The following USP20 variants were observed in gnomAD, a reference collection of about 807,000 sequenced individuals.
USP20 encodes the protein ubiquitin specific peptidase 20, also known as ubiquitin carboxyl-terminal hydrolase 20.
Under a neutral mutation model 124.2 loss-of-function variants are expected in USP20, and 80 were observed. The ratio of observed to expected loss-of-function variants is 0.64; its 90% confidence interval spans 0.54 to 0.78. The LOEUF is 0.78. Ranked by LOEUF, USP20 falls within the 30% of genes least tolerant of loss-of-function variation. The pLI is 0.00. For missense variants in USP20, 1,043 were observed against 1,244.4 expected (o/e 0.84, Z 2.44); for synonymous variants, 481 against 512.3 (o/e 0.94, Z 0.83).
At chr9:129,868,801 T>A in intron 11 of USP20, 61 bp from the exon 12 acceptor site, 1 of 1,504,606 alleles carries the variant, frequency 6.6e-7, no homozygotes, top group Non-Finnish European at 8.9e-7. Context: ...GTCATCTTCC[T>A]GCCCACTCGT....
At chr9:129,873,039 C>T (rs964741277) in intron 15 of USP20, among the ~76,000 whole-genome samples, 9 of 151,350 alleles carry the variant, frequency 5.9e-5, no homozygotes, top group Middle Eastern at 6.8e-3. Context: ...TTCCCTCCCT[C>T]CAGTACCTCT....
chr9:129,849,287 C>T (rs561404128), intron 1 of USP20, among the ~76,000 whole-genome samples: 4 of 152,336 alleles, frequency 2.6e-5, no homozygotes, highest in African/African-American at 9.6e-5. Context: ...GCTGCCCCTG[C>T]GTGCCAGCTC....
At chr9:129,848,310 C>CA (rs976336616) in intron 1 of USP20, among the ~76,000 whole-genome samples, 18 of 151,400 alleles carry the variant, frequency 1.2e-4, no homozygotes, top group African/African-American at 2.9e-4. Context: ...CAAAACAAAA[C>CA]AAAAAAAACT....
chr9:129,869,120 C>T lies in USP20; in HGVS notation c.1276+118C>T, dbSNP rs940611883. On this transcript the variant is annotated intron_variant, in intron 12 of 25. Transcript: ENST00000372429. Reference sequence around the variant, plus strand: ...CCGGGCTATGGGCTCCTCTCAGGTACACCCCTGAGACACCAGTGTGGGAGC... The same window carrying T: ...CCGGGCTATGGGCTCCTCTCAGGTATACCCCTGAGACACCAGTGTGGGAGC... The T allele has an allele frequency of 7.0e-6, 10 of 1,428,202 alleles. No homozygotes were observed. The African/African-American group carries it at 8.5e-5, about 12-fold the overall frequency. The allele number at this position is 1,428,202 out of a possible 1,614,324, so 88.5% of individuals were successfully genotyped here.
At chr9:129,837,474 G>C (rs1203540516) in intron 1 of USP20, among the ~76,000 whole-genome samples, 1 of 152,196 alleles carries the variant, frequency 6.6e-6, no homozygotes, top group East Asian at 1.9e-4. Flanking sequence ...TCACAGCCCA[G>C]CTATAGTCGG....
At chr9:129,856,961 G>A (rs2033246310) in intron 4 of USP20, among the ~76,000 whole-genome samples, 1 of 152,018 alleles carries the variant, frequency 6.6e-6, no homozygotes, top group African/African-American at 2.4e-5. Context: ...TAGAATTATG[G>A]GTAATTTTCT....
intron 6 of USP20, among the ~76,000 whole-genome samples, chr9:129,860,240 G>A (rs185878582): frequency 7.3e-4 from 111 of 151,184 alleles, no homozygotes; most frequent in African/African-American, 2.6e-3. Flanking sequence ...TGAGGCAGGA[G>A]AATGGCATGA....
At chr9:129,836,299 A>G (rs2031831447) in intron 1 of USP20, among the ~76,000 whole-genome samples, 1 of 152,222 alleles carries the variant, frequency 6.6e-6, no homozygotes, top group African/African-American at 2.4e-5. Context: ...AGCAGTTACT[A>G]TGTGGCAGGC....
In USP20 at chr9:129,852,603, G is replaced by A. The variant is rs958847638; in HGVS notation, c.48G>A (p.Glu16=). 6.9e-6 allele frequency: 11 copies of A among 1,599,088 alleles called. No individual in the cohort carries two copies. The highest frequency in any genetic ancestry group is 9.4e-6 in the Non-Finnish European group (11 of 1,172,146). Residue 16 remains glutamate (E), a synonymous_variant, in exon 3 of 26, where the codon GAG becomes GAA. Coordinates refer to ENST00000372429, the MANE Select transcript of USP20 (RefSeq NM_001110303.4). ...DLCPHLDSIG[E]VTKEDLLLKS... ...GCCCTCACCTTGACTCCATAGGAGA[G>A]GTGACCAAAGAGGACTTGCTGCTCA...
In USP20 at chr9:129,858,409, G is replaced by T. The variant is rs540572169; in HGVS notation, c.199-58G>T. 6 of 1,610,914 alleles carry T rather than the reference G, an allele frequency of 3.7e-6. No individual in the cohort carries two copies. The African/African-American group carries it at 6.7e-5, about 18-fold the overall frequency. ...CTGGGGAGCGGAGCAGCCATTACAG[G>T]TTGGGGCACTTGTTAGGCTAGAGTG... On this transcript the variant is annotated intron_variant, in intron 5 of 25. Transcript: ENST00000372429.
chr9:129,845,038 C>T (rs1392841213), intron 1 of USP20, among the ~76,000 whole-genome samples: 1 of 152,078 alleles, frequency 6.6e-6, no homozygotes. Context: ...CAAAAATTAG[C>T]CAGTCTCATA....
chr9:129,851,329 G>A (rs945024691), intron 2 of USP20, among the ~76,000 whole-genome samples: 6 of 149,322 alleles, frequency 4.0e-5, no homozygotes, highest in East Asian at 2.0e-4. Context: ...GCATGGTCAC[G>A]GCTCACTGCA....
intron 22 of USP20, among the ~76,000 whole-genome samples, chr9:129,877,007 C>T (rs2034437875): frequency 6.6e-6 from 1 of 152,064 alleles, no homozygotes; most frequent in South Asian, 2.1e-4. Context: ...TACAGACTGC[C>T]CAAGATAAAG....
chr9:129,853,359 G>C (rs956995082), intron 3 of USP20, among the ~76,000 whole-genome samples: 3 of 152,184 alleles, frequency 2.0e-5, no homozygotes, highest in Non-Finnish European at 2.9e-5. Flanking sequence ...TTTCACATTT[G>C]TTACCTTGAA....
At chr9:129,863,373 C>T (rs2033651298) in intron 9 of USP20, 74 bp downstream of exon 9, 1 of 1,208,956 alleles carries the variant, frequency 8.3e-7, no homozygotes, top group Non-Finnish European at 1.2e-6. Flanking sequence ...TGATTGAGTA[C>T]TTCCTGTGGA....
chr9:129,877,495 C>G (rs2034456985), intron 22 of USP20, among the ~76,000 whole-genome samples: 1 of 152,156 alleles, frequency 6.6e-6, no homozygotes, highest in Non-Finnish European at 1.5e-5. Context: ...TGCACCGCAG[C>G]CTGGGCAATA....
At chr9:129,840,951 A>G (rs2032171830) in intron 1 of USP20, among the ~76,000 whole-genome samples, 2 of 151,976 alleles carry the variant, frequency 1.3e-5, no homozygotes, top group African/African-American at 4.8e-5. Flanking sequence ...TTGTATTTTT[A>G]GTAGAGACGG....
intron 2 of USP20, among the ~76,000 whole-genome samples, chr9:129,851,820 A>G (rs72755282): frequency 0.15 from 22,467 of 149,550 alleles, 2,204 homozygotes; most frequent in African/African-American, 0.28. Context: ...TTTTTTTTCC[A>G]TCTCTTGAAA....
At chr9:129,851,199 G>A (rs984563277) in intron 2 of USP20, among the ~76,000 whole-genome samples, 4 of 150,984 alleles carry the variant, frequency 2.6e-5, no homozygotes, top group Non-Finnish European at 4.4e-5. Context: ...TGCAAAAAAT[G>A]TACCCTAAGG....
Sources: allele counts gnomAD v4.1 joint callset (sites outside exome capture counted in the v4.1 genomes callset), GRCh38; gene constraint gnomAD v4.1.1; transcripts MANE v1.5; gene names NCBI Gene and HGNC (gene_info 2026-07-23, HGNC 2026-07-21).